Variants in TTN observed in about 807,000 individuals in gnomAD.
The protein encoded by TTN is titin, also known as connectin.
TTN carries 1,525 observed loss-of-function variants against 3,223.0 expected under a neutral mutation model. The observed-to-expected ratio is 0.47, with a 90% CI of 0.45 to 0.49. TTN has a LOEUF of 0.49. Ranked by LOEUF, TTN falls within the 20% of genes least tolerant of loss-of-function variation. The pLI is 0.00. For synonymous variants in TTN, 14,094 were observed against 15,161.0 expected, an observed-to-expected ratio of 0.93 and a Z score of 5.17; for missense variants, 40,786 against 43,424.0, an observed-to-expected ratio of 0.94 and a Z score of 5.40.
At position 178,722,020 on chromosome 2, in the gene TTN, C is replaced by A; in HGVS notation, c.22643G>T (p.Trp7548Leu). The change falls in exon 78 of 363, where the codon TGG becomes TTG. Residue 7548 changes from tryptophan (W) to leucine (L), a missense_variant. Transcript: ENST00000589042. The stretch of plus-strand genomic sequence containing the variant: ...ACGGATCTCCTTGTTATCTTTTGAC[C>A]AAGTGATTCGCATCGGTTGAGCACC... ...VTGAQPMRIT[W>L]SKDNKEIRPG... 1 of 1,613,316 alleles carries A rather than the reference C, an allele frequency of 6.2e-7. No individual in the cohort carries two copies. The highest frequency in any genetic ancestry group is 8.5e-7 in the Non-Finnish European group (1 of 1,179,472).
rs878879036 is a variant in TTN at position 178,529,999 on chromosome 2, C to G, written c.106492G>C (p.Ala35498Pro). The change falls in exon 359 of 363, where the codon GCT becomes CCT. Residue 35498 changes from alanine (A) to proline (P), a missense_variant. By Grantham distance (27) the Ala-to-Pro change is conservative. Transcript: ENST00000589042. ...TTGCAGCTAGAGGACACAGATCCAG[C>G]TGAATTTTTTACTGTACAAGTATAA... ...GLYTCTVKNS[A>P]GSVSSSCKLT... 1.2e-6 allele frequency: 2 copies of G among 1,603,252 alleles called. No individual in the cohort carries two copies. The highest frequency in any genetic ancestry group is 1.1e-5 in the South Asian group (1 of 87,568).
chr2:178,531,917 C>T lies in TTN; in HGVS notation c.104698G>A (p.Glu34900Lys), dbSNP rs1174913830. ...AAGATATCAAATCTTGCAGACCTCT[C>T]AAATCTCGAGAGTGATCTCTCACTA... The part of the protein sequence containing the change: ...VSSERSLSRF[E>K]RSARFDIFSR... Residue 34900 changes from glutamate to lysine, a missense_variant, in exon 358 of 363, where the codon GAG becomes AAG. Glu to Lys is a moderately conservative substitution (Grantham distance 56, BLOSUM62 1). Transcript: ENST00000589042. 1 of 1,612,958 alleles carries T rather than the reference C, an allele frequency of 6.2e-7. No homozygotes were observed. Among genetic ancestry groups the T allele is most frequent in the Non-Finnish European group, 8.5e-7 (1 of 1,179,400 alleles).
At chr2:178,668,638 A>T (rs1213525011) in intron 159 of TTN, among the ~76,000 whole-genome samples, 1 of 151,700 alleles carries the variant, frequency 6.6e-6, no homozygotes, top group Non-Finnish European at 1.5e-5. Context: ...AGGCTGGGGC[A>T]GGAGAATAGC....
In TTN at chr2:178,593,897, T is replaced by C. The variant is rs374461185; in HGVS notation, c.58433-30A>G. 3.1e-6 allele frequency: 5 copies of C among 1,607,296 alleles called. No homozygotes were observed. The Admixed American group carries it at 5.1e-5, about 16-fold the overall frequency. On this transcript the variant is annotated intron_variant, in intron 297 of 362. Transcript: ENST00000589042. ...AGAAAAAAAAAATCATGGCACAAAA[T>C]GTTATTGCCATTTCTGCTTTTGAAA...
chr2:178,720,597 T>C lies in TTN; in HGVS notation c.23165A>G (p.Gln7722Arg). Residue 7722 changes from glutamine (Q) to arginine (R), a missense_variant, in exon 80 of 363, where the codon CAA (glutamine) becomes CGA (arginine). Gln to Arg is a conservative substitution (Grantham distance 43, BLOSUM62 1). Coordinates refer to ENST00000589042, the MANE Select transcript of TTN (RefSeq NM_001267550.2). ...GALKGSDVIL[Q>R]CEISGTPPFE... ...TGGGGGAGTTCCCGAAATTTCACAT[T>C]GGAGAATCACATCAGAACCTTTAAG... 6.2e-7 allele frequency: 1 copy of C among 1,613,322 alleles called. No individual in the cohort carries two copies. Among genetic ancestry groups the C allele is most frequent in the Non-Finnish European group, 8.5e-7 (1 of 1,179,554 alleles).
intron 47 of TTN, chr2:178,751,483 G>C: frequency 1.9e-6 from 3 of 1,613,238 alleles, no homozygotes; most frequent in Non-Finnish European, 2.5e-6. Context: ...TAAAGGGAGA[G>C]CCAGTAAACC....
chr2:178,661,677 AATAT>A, intron 180 of TTN, 78 bp downstream of exon 180: 3 of 725,056 alleles, frequency 4.1e-6, no homozygotes, highest in Non-Finnish European at 5.1e-6. Context: ...GTATAATAAA[AATAT>A]ATATATATAT....
rs983630096 is a variant in TTN at position 178,612,074 on chromosome 2, A to G, written c.50337T>C (p.Gly16779=). The change falls in exon 267 of 363, where the codon GGT becomes GGC. Residue 16779 remains glycine, a synonymous_variant. Transcript: ENST00000589042. ...DLKWEPPKND[G]GRPIQRYVIE... ...AATTCTACCTCTGTATTGGTCTTCC[A>G]CCATCATTTTTAGGTGGCTCCCACT... 1.2e-6 allele frequency: 2 copies of G among 1,611,222 alleles called. No homozygotes were observed. Among genetic ancestry groups the G allele is most frequent in the African/African-American group, 2.7e-5 (2 of 74,816 alleles).
Position 178,713,893 on chromosome 2 carries a change from C to T in TTN, c.26761+4G>A, listed in dbSNP as rs771269446. On this transcript the variant is annotated splice_donor_region_variant and intron_variant, in intron 92 of 362. Coordinates refer to ENST00000589042, the MANE Select transcript of TTN (RefSeq NM_001267550.2). ...TGAAGGAAAAGCCCAAGAAATCAAC[C>T]AACCTGAAACCTGCAATGAAGCTGT... The T allele has an allele frequency of 7.5e-6, 12 of 1,610,362 alleles. No homozygotes were observed. In the East Asian group the frequency reaches 2.7e-4, roughly 36 times the overall value.
Position 178,543,332 on chromosome 2 carries a change from A to C in TTN, c.96641T>G (p.Val32214Gly). Residue 32214 changes from valine (V) to glycine (G), a missense_variant, in exon 347 of 363, where the codon GTC becomes GGC. Transcript: ENST00000589042. Reference sequence around the variant, plus strand: ...GGCAAGGGTAACAGTGGATTTGGTGACATCGACCACTTCTAGCTTTGCAGG... The same window carrying C: ...GGCAAGGGTAACAGTGGATTTGGTGCCATCGACCACTTCTAGCTTTGCAGG... ...LVPAKLEVVD[V>G]TKSTVTLAWE... is the part of the protein sequence containing the mutation. 1 of 1,613,814 alleles carries C rather than the reference A, an allele frequency of 6.2e-7. No individual in the cohort carries two copies. Among genetic ancestry groups the C allele is most frequent in the Non-Finnish European group, 8.5e-7 (1 of 1,179,796 alleles).
In TTN at chr2:178,617,132, C is replaced by G. The variant is rs1363215463; in HGVS notation, c.47863G>C (p.Asp15955His). 1.2e-6 allele frequency: 2 copies of G among 1,609,884 alleles called. No homozygotes were observed. Among genetic ancestry groups the G allele is most frequent in the Non-Finnish European group, 1.7e-6 (2 of 1,177,962 alleles). ...AATATCTATTTACCAAATGCATCGTCAGCGGTGAGAGGACCAAGAATTTCA... is the reference window on the plus strand; with the variant it reads ...AATATCTATTTACCAAATGCATCGTGAGCGGTGAGAGGACCAAGAATTTCA... ...PSEILGPLTADDAFVEPTMDL... is the reference protein window; with the variant it reads ...PSEILGPLTAHDAFVEPTMDL... Residue 15955 changes from aspartate to histidine, a missense_variant, in exon 255 of 363, where the codon GAC becomes CAC. Transcript: ENST00000589042.
rs2080559010 is a variant in TTN at position 178,731,742 on chromosome 2, C to T, written c.17133G>A (p.Val5711=). 3 of 1,613,662 alleles carry T rather than the reference C, an allele frequency of 1.9e-6. No individual in the cohort carries two copies. Among genetic ancestry groups the T allele is most frequent in the South Asian group, 1.1e-5 (1 of 91,048 alleles). The change falls in exon 58 of 363, where the codon GTG becomes GTA. Residue 5711 remains valine, a synonymous_variant. Coordinates refer to ENST00000589042, the MANE Select transcript of TTN (RefSeq NM_001267550.2). ...AADAGEYQCR[V]TNEVGSSICS... ...AGATGCTGCTGCCCACCTCATTGGT[C>T]ACCCGACACTGGTATTCGCCAGCAT...
rs761986550 is a variant in TTN at position 178,592,673 on chromosome 2, G to A, written c.59345-13C>T. 38 of 1,611,966 alleles carry A rather than the reference G, an allele frequency of 2.4e-5. No homozygotes were observed. The South Asian group carries it at 4.0e-4, about 17-fold the overall frequency. On this transcript the variant is annotated splice_polypyrimidine_tract_variant and intron_variant, in intron 300 of 362. Coordinates refer to ENST00000589042, the MANE Select transcript of TTN (RefSeq NM_001267550.2). ...AACTCAGGGGGTTCTAGAATAAAGA[G>A]AACAGAACACTCAGATTTGATCCAT... is the stretch of plus-strand genomic sequence containing the variant.
chr2:178,800,330 T>C, intron 4 of TTN, 65 bp downstream of exon 4: 1 of 1,603,922 alleles, frequency 6.2e-7, no homozygotes, highest in South Asian at 1.1e-5. Context: ...AGTGGACGCT[T>C]GGCCCCATTT....
chr2:178,615,360 A>T lies in TTN; in HGVS notation c.48585T>A (p.Cys16195Ter). 1.2e-6 allele frequency: 2 copies of T among 1,612,508 alleles called. No individual in the cohort carries two copies. The highest frequency in any genetic ancestry group is 1.7e-6 in the Non-Finnish European group (2 of 1,179,032). Residue 16195 changes from cysteine (C) to a stop codon, truncating the protein, a stop_gained, in exon 259 of 363, where the codon TGT (cysteine) becomes TGA (stop). Transcript: ENST00000589042. LOFTEE classifies it high-confidence loss of function. ...CAACCCATTTATCAGAACCACGTGG[A>T]CATCTTTCAACTATATATCCTTTGA... ...SRIKGYIVER[C>*]PRGSDKWVAC...
intron 155 of TTN, among the ~76,000 whole-genome samples, 199 bp from the exon 156 acceptor site, chr2:178,671,369 CA>C (rs2066940078): frequency 6.6e-6 from 1 of 151,780 alleles, no homozygotes; most frequent in Admixed American, 6.6e-5. Context: ...AACACACACA[CA>C]CACACATTCC....
At chr2:178,793,615 C>T (rs761047721) in intron 8 of TTN, 74 bp from the exon 9 acceptor site, 10 of 1,596,008 alleles carry the variant, frequency 6.3e-6, no homozygotes, top group Non-Finnish European at 8.5e-6. Context: ...CCAGCCTCGC[C>T]AACATGGTGA....
At position 178,569,789 on chromosome 2, in the gene TTN, C is replaced by T. The variant is rs3813243; in HGVS notation, c.76343G>A (p.Ser25448Asn). 0.03 allele frequency: 49,171 copies of T among 1,613,236 alleles called. 1,521 individuals are homozygous for T. The highest frequency in any genetic ancestry group is 0.18 in the East Asian group (8,040 of 44,794). Residue 25448 changes from serine to asparagine, a missense_variant, in exon 326 of 363, where the codon AGT becomes AAT. Transcript: ENST00000589042. ...QGYIVEKCDVSVGEWTMCTPP... is the reference protein window; with the variant it reads ...QGYIVEKCDVNVGEWTMCTPP... Reference sequence around the variant, plus strand: ...AGTGCACATTGTCCATTCACCAACACTCACATCACATTTTTCAACAATGTA... The same window carrying T: ...AGTGCACATTGTCCATTCACCAACATTCACATCACATTTTTCAACAATGTA...
At chr2:178,722,582 GATGAA>G in intron 76 of TTN, 36 bp from the exon 77 acceptor site, 1 of 1,591,976 alleles carries the variant, frequency 6.3e-7, no homozygotes, top group Non-Finnish European at 8.5e-7. Flanking sequence ...GGTGTTAGGA[GATGAA>G]ATGAGAAGTT....
Sources: allele counts gnomAD v4.1 joint callset (sites outside exome capture counted in the v4.1 genomes callset), GRCh38; gene constraint gnomAD v4.1.1; transcripts MANE v1.5; gene names NCBI Gene and HGNC (gene_info 2026-07-23, HGNC 2026-07-21).